TMEM69: variants seen among roughly 807,000 people sequenced by gnomAD.
TMEM69 encodes the protein transmembrane protein 69.
Under a neutral mutation model 15.8 loss-of-function variants are expected in TMEM69, and 17 were observed. The observed-to-expected ratio is 1.07, with a 90% CI of 0.73 to 1.61. The LOEUF is 1.61. Among genes scored for constraint, TMEM69 ranks in the 40% most tolerant of loss-of-function variants. The pLI is 0.00. For missense variants in TMEM69, 230 were observed against 286.1 expected, an observed-to-expected ratio of 0.80 and a Z score of 1.41; for synonymous variants, 80 against 98.6, an observed-to-expected ratio of 0.81 and a Z score of 1.12.
At chr1:45,690,328 C>T (rs1424456871) in intron 1 of TMEM69, among the ~76,000 whole-genome samples, 5 of 152,256 alleles carry the variant, frequency 3.3e-5, no homozygotes, top group Admixed American at 3.3e-4. Context: ...ATGGCGAAAC[C>T]CCATCTCTCC....
chr1:45,688,753 TG>T (rs554196781), intron 1 of TMEM69, among the ~76,000 whole-genome samples: 113 of 152,008 alleles, frequency 7.4e-4, no homozygotes, highest in Middle Eastern at 3.4e-3. Context: ...CTCAGGTGGG[TG>T]GGTGTGGGTG....
chr1:45,690,141 A>G (rs1229819001), intron 1 of TMEM69, among the ~76,000 whole-genome samples: 1 of 152,198 alleles, frequency 6.6e-6, no homozygotes, highest in African/African-American at 2.4e-5. Flanking sequence ...GTTTGACACC[A>G]AAGTCTGCAC....
At chr1:45,689,952 G>A (rs891737094) in intron 1 of TMEM69, among the ~76,000 whole-genome samples, 5 of 152,138 alleles carry the variant, frequency 3.3e-5, no homozygotes, top group South Asian at 4.2e-4. Flanking sequence ...CGGAGAGCAC[G>A]CCACTGCAGT....
rs1162856639 is a variant in TMEM69, at chr1:45,691,098, A to G, written c.30A>G (p.Gln10=). The change falls in exon 2 of 3, where the codon CAA becomes CAG. Residue 10 remains glutamine (Q), a synonymous_variant. Transcript: ENST00000372025. ...TTCGCTTCATCCAGAAGTTTTCTCA[A>G]GCATCTTCAAAGGTTGGTTTGTTCA... MLRFIQKFS[Q]ASSKILKYSF... is the part of the protein sequence containing the mutation. 1 of 1,614,218 alleles carries G rather than the reference A, an allele frequency of 6.2e-7. No individual in the cohort carries two copies. The highest frequency in any genetic ancestry group is 1.1e-5 in the South Asian group (1 of 91,076).
Position 45,693,294 on chromosome 1 carries a change from T to C in TMEM69, c.133T>C (p.Cys45Arg), listed in dbSNP as rs1645357193. The change falls in exon 3 of 3, where the codon TGT (cysteine) becomes CGT (arginine). Residue 45 changes from cysteine to arginine, a missense_variant. Transcript: ENST00000372025. ...GTCTCTCCAGCAAAACTTTTCCCCA[T>C]GTCCAAGGCCTTGGCTTTCCTCATC... Reference protein sequence around the residue: ...KMSLQQNFSPCPRPWLSSSFP... With the variant: ...KMSLQQNFSPRPRPWLSSSFP... 3.7e-6 allele frequency: 6 copies of C among 1,613,824 alleles called. No individual in the cohort carries two copies. In the Admixed American group the frequency reaches 5.0e-5, roughly 13 times the overall value.
chr1:45,694,143 T>A lies in TMEM69; in HGVS notation c.*238T>A, dbSNP rs893909756. ...ACTTTTTAGTTAAAAGTTTTAAAAA[T>A]ATATATATATAAATACACTGTAGAT... On this transcript the variant is annotated 3_prime_UTR_variant, in exon 3 of 3. Coordinates refer to ENST00000372025, the MANE Select transcript of TMEM69 (RefSeq NM_016486.4). 29 of 154,278 alleles carry A rather than the reference T, an allele frequency of 1.9e-4. No homozygotes were observed. Among genetic ancestry groups the A allele is most frequent in the South Asian group, 7.1e-4 (4 of 5,650 alleles). 9.6% of individuals were successfully genotyped at this position (154,278 alleles called of 1,614,324 possible).
In TMEM69 at chr1:45,693,429, C is replaced by T; in HGVS notation, c.268C>T (p.Leu90=). The T allele has an allele frequency of 6.2e-7, 1 of 1,614,176 alleles. No homozygotes were observed. The highest frequency in any genetic ancestry group is 1.1e-5 in the South Asian group (1 of 91,068). The change falls in exon 3 of 3, where the codon CTA becomes TTA. Residue 90 remains leucine (L), a synonymous_variant. Transcript: ENST00000372025. The part of the protein sequence containing the change: ...LARPSSTITY[L]TDSPKPALCV... Reference sequence around the variant, plus strand: ...CAGACCCTCAAGCACCATCACTTACCTAACTGACAGCCCAAAGCCAGCATT... The same window carrying T: ...CAGACCCTCAAGCACCATCACTTACTTAACTGACAGCCCAAAGCCAGCATT...
At chr1:45,688,803 T>TC (rs1453490315) in intron 1 of TMEM69, among the ~76,000 whole-genome samples, 2 of 152,062 alleles carry the variant, frequency 1.3e-5, no homozygotes, top group East Asian at 3.9e-4. Flanking sequence ...ATTACTTACC[T>TC]CCCTACTTGC....
chr1:45,689,125 G>A (rs978651641), intron 1 of TMEM69, among the ~76,000 whole-genome samples: 6 of 151,834 alleles, frequency 4.0e-5, no homozygotes, highest in Admixed American at 6.6e-5. Context: ...GGCCAGGCTG[G>A]TCTCGAACTC....
At chr1:45,691,244 G>GT (rs1350169136) in intron 2 of TMEM69, 134 bp downstream of exon 2, 1 of 792,054 alleles carries the variant, frequency 1.3e-6, no homozygotes. Flanking sequence ...TAAAATACAA[G>GT]TAAGTAAAAT....
Position 45,690,976 on chromosome 1 carries a change from A to G in TMEM69, c.-93A>G, listed in dbSNP as rs1031638431. The G allele has an allele frequency of 6.4e-6, 9 of 1,395,738 alleles. No individual in the cohort carries two copies. The African/African-American group carries it at 1.0e-4, about 15-fold the overall frequency. The allele number at this position is 1,395,738 out of a possible 1,614,324, so 86.5% of individuals were successfully genotyped here. ...GTGACACCTTGTGTTATACACAGAA[A>G]CATGCCCCTGATTCAGTGCCTCTGC... On this transcript the variant is annotated splice_region_variant and 5_prime_UTR_variant, in exon 2 of 3. Transcript: ENST00000372025.
chr1:45,691,820 G>A (rs1003030075), intron 2 of TMEM69, among the ~76,000 whole-genome samples: 3 of 82,742 alleles, frequency 3.6e-5, no homozygotes, highest in Non-Finnish European at 5.6e-5. Context: ...TGGCTTGGGT[G>A]ACAGAGGAAT....
Position 45,691,028 on chromosome 1 carries a change from AC to A in TMEM69, c.-39del. ...TAGCTGTAACATGTTAATCAGAACT[AC>A]CTGGCATCTTCCTGAACAAGACTTT... On this transcript the variant is annotated 5_prime_UTR_variant, in exon 2 of 3. An upstream open reading frame in the 5' UTR loses its in-frame stop. Transcript: ENST00000372025. The A allele has an allele frequency of 6.2e-7, 1 of 1,613,542 alleles. No homozygotes were observed. Among genetic ancestry groups the A allele is most frequent in the South Asian group, 1.1e-5 (1 of 91,064 alleles).
chr1:45,693,968 G>C lies in TMEM69; in HGVS notation c.*63G>C. On this transcript the variant is annotated 3_prime_UTR_variant, in exon 3 of 3. Transcript: ENST00000372025. Reference sequence around the variant, plus strand: ...CCAGCTGCTGCCCCGTCTGGGAAGTGAGGAGCGCCTCTGCCTGGCCGCCTG... The same window carrying C: ...CCAGCTGCTGCCCCGTCTGGGAAGTCAGGAGCGCCTCTGCCTGGCCGCCTG... 1 of 1,171,094 alleles carries C rather than the reference G, an allele frequency of 8.5e-7. No individual in the cohort carries two copies. The highest frequency in any genetic ancestry group is 1.2e-6 in the Non-Finnish European group (1 of 848,708). The allele number at this position is 1,171,094 out of a possible 1,614,324, so 72.5% of individuals were successfully genotyped here. A position where few individuals can be genotyped will look rare whatever the true frequency, so the allele number is the denominator to read the frequency against.
chr1:45,692,945 A>C (rs752348340), intron 2 of TMEM69, among the ~76,000 whole-genome samples: 1 of 152,188 alleles, frequency 6.6e-6, no homozygotes, highest in African/African-American at 2.4e-5. Flanking sequence ...ATTAAGTGGT[A>C]GGTTGAAATA....
At position 45,691,042 on chromosome 1, in the gene TMEM69, T is replaced by C. The variant is rs369476853; in HGVS notation, c.-27T>C. On this transcript the variant is annotated 5_prime_UTR_variant, in exon 2 of 3. Transcript: ENST00000372025. ...TAATCAGAACTACCTGGCATCTTCCTGAACAAGACTTTCAATAGGGGCCAG... is the reference window on the plus strand; with the variant it reads ...TAATCAGAACTACCTGGCATCTTCCCGAACAAGACTTTCAATAGGGGCCAG... The C allele has an allele frequency of 2.5e-6, 4 of 1,614,020 alleles. No individual in the cohort carries two copies. Among genetic ancestry groups the C allele is most frequent in the African/African-American group, 1.3e-5 (1 of 74,962 alleles).
Position 45,693,457 on chromosome 1 carries a change from G to C in TMEM69, c.296G>C (p.Cys99Ser), listed in dbSNP as rs761111580. Residue 99 changes from cysteine (C) to serine (S), a missense_variant, in exon 3 of 3, where the codon TGT becomes TCT. Cys to Ser is a moderately radical substitution (Grantham distance 112, BLOSUM62 -1). Transcript: ENST00000372025. Reference sequence around the variant, plus strand: ...ACTGACAGCCCAAAGCCAGCATTATGTGTAACTCTGGCAGGACTAATCCCC... The same window carrying C: ...ACTGACAGCCCAAAGCCAGCATTATCTGTAACTCTGGCAGGACTAATCCCC... Reference protein sequence around the residue: ...YLTDSPKPALCVTLAGLIPFV... With the variant: ...YLTDSPKPALSVTLAGLIPFV... The C allele has an allele frequency of 6.2e-7, 1 of 1,614,216 alleles. No homozygotes were observed. Among genetic ancestry groups the C allele is most frequent in the East Asian group, 2.2e-5 (1 of 44,882 alleles).
Position 45,693,524 on chromosome 1 carries a change from T to A in TMEM69, c.363T>A (p.Tyr121Ter), listed in dbSNP as rs199821128. Residue 121 changes from tyrosine (Y) to a stop codon, truncating the protein, a stop_gained, in exon 3 of 3, where the codon TAT (tyrosine) becomes TAA (stop). Transcript: ENST00000372025. LOFTEE classifies it high-confidence loss of function. Reference sequence around the variant, plus strand: ...TGGTCATGCTGATGACAAAAACTTATATTCCCATATTAGCTTTTACTCAGA... The same window carrying A: ...TGGTCATGCTGATGACAAAAACTTAAATTCCCATATTAGCTTTTACTCAGA... ...PPLVMLMTKT[Y>*]IPILAFTQMA... The A allele has an allele frequency of 6.2e-7, 1 of 1,614,106 alleles. No homozygotes were observed. Among genetic ancestry groups the A allele is most frequent in the Non-Finnish European group, 8.5e-7 (1 of 1,180,046 alleles).
Position 45,691,051 on chromosome 1 carries a change from C to T in TMEM69, c.-18C>T. On this transcript the variant is annotated 5_prime_UTR_variant, in exon 2 of 3. Coordinates refer to ENST00000372025, the MANE Select transcript of TMEM69 (RefSeq NM_016486.4). ...CTACCTGGCATCTTCCTGAACAAGA[C>T]TTTCAATAGGGGCCAGTATGCTTCG... 4 of 1,614,160 alleles carry T rather than the reference C, an allele frequency of 2.5e-6. No individual in the cohort carries two copies. Among genetic ancestry groups the T allele is most frequent in the Middle Eastern group, 1.7e-4 (1 of 6,054 alleles).
Sources: allele counts gnomAD v4.1 joint callset (sites outside exome capture counted in the v4.1 genomes callset), GRCh38; gene constraint gnomAD v4.1.1; transcripts MANE v1.5; gene names NCBI Gene and HGNC (gene_info 2026-07-23, HGNC 2026-07-21).